ROCK2: variants seen among roughly 807,000 people sequenced by gnomAD.
The protein encoded by ROCK2 is rho-associated protein kinase 2.
A neutral mutation model predicts 195.1 loss-of-function variants in ROCK2; 61 were observed. The ratio of observed to expected loss-of-function variants is 0.31; its 90% CI spans 0.25 to 0.39. The LOEUF is 0.39. Among genes scored for constraint, ROCK2 ranks in the 10% least tolerant of loss-of-function variants. The pLI is 1.00. For synonymous variants in ROCK2, 504 were observed against 545.5 expected (o/e 0.92, Z 1.06); for missense variants, 1,109 against 1,637.4 (o/e 0.68, Z 5.57).
intron 3 of ROCK2, among the ~76,000 whole-genome samples, chr2:11,267,645 G>A (rs1042762879): frequency 6.6e-6 from 1 of 151,234 alleles, no homozygotes; most frequent in South Asian, 2.1e-4. Context: ...AACCTCAGAC[G>A]GCATTGTTCA....
At chr2:11,195,100 A>T (rs1003394367) in intron 27 of ROCK2, 75 bp from the exon 28 acceptor site, 4 of 740,588 alleles carry the variant, frequency 5.4e-6, no homozygotes, top group African/African-American at 5.4e-5. Context: ...TAAAATTTTA[A>T]TATGAAATTT....
rs1156983946 is a variant in ROCK2 at position 11,317,576 on chromosome 2, T to TTATA, written c.141+26416_141+26419dup. Among the ~76,000 whole-genome samples, 120 of 29,562 alleles carry TTATA rather than the reference T, an allele frequency of 4.1e-3. 8 individuals carry two copies. Among genetic ancestry groups the TTATA allele is most frequent in the Non-Finnish European group, 4.8e-3 (84 of 17,650 alleles). 19.4% of individuals were successfully genotyped at this position (29,562 alleles called of 152,430 possible). The stretch of plus-strand genomic sequence containing the variant: ...TTTAAAGCCGCCCTGATCTACACAT[T>TTATA]TATATATATATATATATATATATAT... On this transcript the variant is annotated intron_variant, in intron 1 of 32. Transcript: ENST00000315872.
intron 1 of ROCK2, among the ~76,000 whole-genome samples, chr2:11,325,270 G>C (rs1293177107): frequency 6.6e-6 from 1 of 152,210 alleles, no homozygotes; most frequent in Non-Finnish European, 1.5e-5. Flanking sequence ...GGCCAACTGT[G>C]GGACTGGTGC....
At chr2:11,217,341 C>T (rs184400427) in intron 11 of ROCK2, 172 bp from the exon 12 acceptor site, 3 of 710,128 alleles carry the variant, frequency 4.2e-6, no homozygotes, top group East Asian at 5.5e-5. Context: ...AGGAAAAACT[C>T]CCCCATCTCT....
chr2:11,288,728 A>C (rs1667274397), intron 1 of ROCK2, among the ~76,000 whole-genome samples: 1 of 145,842 alleles, frequency 6.9e-6, no homozygotes, highest in Non-Finnish European at 1.6e-5. Context: ...ATAAACCTTT[A>C]GGGGACTTGG....
At chr2:11,262,020 CA>C (rs926932853) in intron 3 of ROCK2, among the ~76,000 whole-genome samples, 3 of 152,118 alleles carry the variant, frequency 2.0e-5, no homozygotes, top group Non-Finnish European at 2.9e-5. Flanking sequence ...AGAATATCCT[CA>C]ATGAAAATGT....
intron 1 of ROCK2, among the ~76,000 whole-genome samples, chr2:11,295,972 G>A (rs1298640392): frequency 2.7e-5 from 2 of 74,186 alleles, no homozygotes; most frequent in Non-Finnish European, 3.0e-5. Flanking sequence ...ACAAAAGAGA[G>A]AGAGAGAGAG....
In ROCK2 at chr2:11,263,670, C is replaced by CAA. The variant is rs757978869; in HGVS notation, c.325-13873_325-13872insTT. Reference sequence around the variant, plus strand: ...CACAAGGCACACACACACACACACACACAAAAAAAAACAAAGAGCATGCTC... The same window carrying CAA: ...CACAAGGCACACACACACACACACACAAACAAAAAAAAACAAAGAGCATGCTC... On this transcript the variant is annotated intron_variant, in intron 3 of 32. Coordinates refer to ENST00000315872, the MANE Select transcript of ROCK2 (RefSeq NM_004850.5). Among the ~76,000 whole-genome samples, 907 of 135,188 alleles carry CAA rather than the reference C, an allele frequency of 6.7e-3. 9 individuals carry two copies. The highest frequency in any genetic ancestry group is 0.022 in the African/African-American group (862 of 39,366). 88.7% of individuals were successfully genotyped at this position (135,188 alleles called of 152,430 possible).
intron 3 of ROCK2, among the ~76,000 whole-genome samples, chr2:11,254,689 G>A (rs1421296467): frequency 8.7e-6 from 1 of 115,200 alleles, no homozygotes; most frequent in African/African-American, 3.4e-5. Context: ...AAGCCCAAGA[G>A]TTTGAGACAG....
intron 3 of ROCK2, among the ~76,000 whole-genome samples, chr2:11,266,632 CAT>C (rs1666424028): frequency 1.3e-5 from 2 of 152,178 alleles, no homozygotes; most frequent in Admixed American, 6.5e-5. Flanking sequence ...TCTACAAAAA[CAT>C]ACTCATAAAG....
chr2:11,220,172 C>T (rs2148074056), intron 9 of ROCK2, among the ~76,000 whole-genome samples: 1 of 152,334 alleles, frequency 6.6e-6, no homozygotes, highest in Middle Eastern at 3.4e-3. Flanking sequence ...CATGTGCCAC[C>T]ATGCCCAGCT....
intron 32 of ROCK2, among the ~76,000 whole-genome samples, chr2:11,185,160 T>C (rs1663146267): frequency 6.6e-6 from 1 of 152,150 alleles, no homozygotes; most frequent in Non-Finnish European, 1.5e-5. Flanking sequence ...GTCAGCTCAG[T>C]TTTTCCATCA....
intron 1 of ROCK2, among the ~76,000 whole-genome samples, chr2:11,315,768 A>T: frequency 6.6e-6 from 1 of 152,104 alleles, no homozygotes; most frequent in Admixed American, 6.6e-5. Context: ...TTTTTGAACA[A>T]CCTCAGCCAG....
intron 20 of ROCK2, 116 bp downstream of exon 20, chr2:11,207,610 A>T (rs1166366985): frequency 2.7e-6 from 2 of 738,686 alleles, no homozygotes; most frequent in Admixed American, 6.2e-5. Flanking sequence ...GTACAGAAAT[A>T]AATAGAAAAC....
intron 6 of ROCK2, among the ~76,000 whole-genome samples, chr2:11,225,818 G>A (rs1042454369): frequency 1.1e-4 from 16 of 152,184 alleles, no homozygotes; most frequent in Non-Finnish European, 1.2e-4. Context: ...ACCATATGAT[G>A]CGTACAAACA....
chr2:11,235,589 C>T lies in ROCK2; in HGVS notation c.723+113G>A. On this transcript the variant is annotated intron_variant, in intron 5 of 32. Coordinates refer to ENST00000315872, the MANE Select transcript of ROCK2 (RefSeq NM_004850.5). This position sits in a 1 kb window ranked among gnomAD's most constrained non-coding sequence, Gnocchi z 4.2. ...GGTTATATCTTGTTTGGGTGCTATACAGTTATGAAAACTAAATTTACCTTT... is the reference window on the plus strand; with the variant it reads ...GGTTATATCTTGTTTGGGTGCTATATAGTTATGAAAACTAAATTTACCTTT... 9.1e-7 allele frequency: 1 copy of T among 1,097,100 alleles called. No homozygotes were observed. Among genetic ancestry groups the T allele is most frequent in the Non-Finnish European group, 1.3e-6 (1 of 762,338 alleles). The allele number at this position is 1,097,100 out of a possible 1,614,324, so 68.0% of individuals were successfully genotyped here.
chr2:11,206,319 T>G (rs1387369190), intron 20 of ROCK2, among the ~76,000 whole-genome samples: 1 of 151,914 alleles, frequency 6.6e-6, no homozygotes, highest in African/African-American at 2.4e-5. Context: ...GCATATACAC[T>G]AGGTATAAAC....
intron 4 of ROCK2, among the ~76,000 whole-genome samples, chr2:11,246,691 A>C (rs1665629701): frequency 6.6e-6 from 1 of 152,194 alleles, no homozygotes; most frequent in African/African-American, 2.4e-5. Flanking sequence ...ATTAACAAAA[A>C]TGAAAAGTGA....
intron 9 of ROCK2, among the ~76,000 whole-genome samples, chr2:11,220,277 A>G (rs1246997964): frequency 6.6e-6 from 1 of 151,654 alleles, no homozygotes; most frequent in South Asian, 2.1e-4. Context: ...CTCAGCCTCC[A>G]AAGTGCTGGG....
Sources: allele counts gnomAD v4.1 joint callset (sites outside exome capture counted in the v4.1 genomes callset), GRCh38; gene constraint gnomAD v4.1.1; non-coding constraint Gnocchi (gnomAD v3.1); transcripts MANE v1.5; gene names NCBI Gene and HGNC (gene_info 2026-07-23, HGNC 2026-07-21).